DPY19L1: variants seen among roughly 807,000 people sequenced by gnomAD.
The protein encoded by DPY19L1 is dpy-19 like C-mannosyltransferase 1.
Under a neutral mutation model 96.9 loss-of-function variants are expected in DPY19L1, and 35 were observed. That is an observed-to-expected ratio of 0.36 (90% CI 0.28 to 0.48). The LOEUF (loss-of-function observed/expected upper bound fraction) is 0.48, where lower values mean the gene tolerates loss of function less well. Ranked by LOEUF, DPY19L1 falls within the 20% of genes least tolerant of loss-of-function variation. DPY19L1 has a pLI of 0.99. For synonymous variants in DPY19L1, 205 were observed against 252.6 expected, an observed-to-expected ratio of 0.81 and a Z score of 1.79; for missense variants, 521 against 777.9, an observed-to-expected ratio of 0.67 and a Z score of 3.93.
chr7:34,935,122 A>C (rs34071923), intron 21 of DPY19L1, among the ~76,000 whole-genome samples: 46 of 152,256 alleles, frequency 3.0e-4, no homozygotes, highest in African/African-American at 7.7e-4. Context: ...TAATTTTCTC[A>C]TACACGTCAA....
chr7:35,027,317 GTA>G (rs1786145310), intron 1 of DPY19L1, among the ~76,000 whole-genome samples: 1 of 152,126 alleles, frequency 6.6e-6, no homozygotes, highest in Admixed American at 6.5e-5. Context: ...GCTGGGCTTT[GTA>G]CTCTCCCAGG....
At position 34,942,657 on chromosome 7, in the gene DPY19L1, A is replaced by G. The variant is rs1462216679; in HGVS notation, c.1545-18T>C. Reference sequence around the variant, plus strand: ...GGTGTTTTCTGGAACAGAAAAAAATATATTGCCATCAATTCATTATTGAAG... The same window carrying G: ...GGTGTTTTCTGGAACAGAAAAAAATGTATTGCCATCAATTCATTATTGAAG... On this transcript the variant is annotated intron_variant, in intron 16 of 21. Coordinates refer to ENST00000638088, the MANE Select transcript of DPY19L1 (RefSeq NM_001366673.1). 1 of 1,586,122 alleles carries G rather than the reference A, an allele frequency of 6.3e-7. No homozygotes were observed. The highest frequency in any genetic ancestry group is 8.6e-7 in the Non-Finnish European group (1 of 1,168,196).
intron 1 of DPY19L1, 80 bp downstream of exon 1, chr7:35,037,017 G>A (rs1408137646): frequency 9.6e-6 from 1 of 104,230 alleles, no homozygotes; most frequent in Non-Finnish European, 2.1e-5. Context: ...AGAGGGGAAG[G>A]AAGGGGAGGG....
At chr7:35,011,194 G>C (rs1785701984) in intron 5 of DPY19L1, 136 bp downstream of exon 5, 1 of 1,004,878 alleles carries the variant, frequency 1.0e-6, no homozygotes, top group Admixed American at 3.0e-5. Flanking sequence ...CCCAAATTCT[G>C]GACTTGCAGA....
rs566907763 is a variant in DPY19L1 at position 34,956,170 on chromosome 7, C to G, written c.1180-803G>C. On this transcript the variant is annotated intron_variant, in intron 11 of 21. Transcript: ENST00000638088. The stretch of plus-strand genomic sequence containing the variant: ...GAAAAGAAATTTCCTACAAAATGTA[C>G]TTAAATTAGATTTTATTTGTATGTA... Among the ~76,000 whole-genome samples the G allele has an allele frequency of 5.9e-5, 9 of 152,242 alleles. No homozygotes were observed. The South Asian group carries it at 1.9e-3, about 32-fold the overall frequency.
chr7:35,012,950 G>GATAT (rs34039494), intron 4 of DPY19L1, among the ~76,000 whole-genome samples: 125 of 151,402 alleles, frequency 8.3e-4, no homozygotes, highest in Non-Finnish European at 1.4e-3. Flanking sequence ...AGAGAACACT[G>GATAT]ATATATATAT....
chr7:35,037,854 G>A, upstream of DPY19L1: 1 of 1,234,794 alleles, frequency 8.1e-7, no homozygotes, highest in South Asian at 4.1e-5. Context: ...CCGGTGCGAG[G>A]ACGCGGGGGC....
intron 12 of DPY19L1, 99 bp downstream of exon 12, chr7:34,955,209 C>T: frequency 6.9e-7 from 1 of 1,455,958 alleles, no homozygotes; most frequent in East Asian, 2.4e-5. Context: ...TGTTGGATCC[C>T]CTGAGTTGCA....
rs745797661 is a variant in DPY19L1, at chr7:34,938,018, T to C, written c.2066A>G (p.Glu689Gly). 6.2e-7 allele frequency: 1 copy of C among 1,613,916 alleles called. No homozygotes were observed. Among genetic ancestry groups the C allele is most frequent in the Non-Finnish European group, 8.5e-7 (1 of 1,179,942 alleles). Reference sequence around the variant, plus strand: ...CTTGGATCTTCTTACACACCATGACTCTTCTAGAATGTAATAGTTCACTTT... The same window carrying C: ...CTTGGATCTTCTTACACACCATGACCCTTCTAGAATGTAATAGTTCACTTT... ...KLKVNYYILE[E>G]SWCVRRSKPG... The change falls in exon 21 of 22, where the codon GAG becomes GGG. Residue 689 changes from glutamate (E) to glycine (G), a missense_variant. Transcript: ENST00000638088.
intron 1 of DPY19L1, among the ~76,000 whole-genome samples, chr7:35,031,385 T>G (rs557096974): frequency 9.2e-5 from 14 of 152,362 alleles, no homozygotes; most frequent in Admixed American, 9.1e-4. Flanking sequence ...GCTAATACTA[T>G]GCCATTTTAT....
intron 1 of DPY19L1, among the ~76,000 whole-genome samples, chr7:35,033,463 A>G (rs774221688): frequency 1.3e-5 from 2 of 152,212 alleles, no homozygotes; most frequent in Non-Finnish European, 2.9e-5. Flanking sequence ...TAGACGCTCA[A>G]TGATATGGTA....
intron 7 of DPY19L1, among the ~76,000 whole-genome samples, chr7:34,977,807 G>A (rs934263670): frequency 2.5e-4 from 38 of 152,044 alleles, no homozygotes; most frequent in Non-Finnish European, 4.3e-4. Context: ...AAATATACAT[G>A]TGAACTGCTT....
intron 11 of DPY19L1, among the ~76,000 whole-genome samples, chr7:34,956,241 T>C (rs1206879219): frequency 6.6e-6 from 1 of 152,238 alleles, no homozygotes; most frequent in African/African-American, 2.4e-5. Context: ...AAGATTCATA[T>C]ACTTTATCCT....
rs1785130520 is a variant in DPY19L1, at chr7:34,989,870, T to C, written c.822+14A>G. 1 of 1,577,146 alleles carries C rather than the reference T, an allele frequency of 6.3e-7. No homozygotes were observed. Among genetic ancestry groups the C allele is most frequent in the Non-Finnish European group, 8.6e-7 (1 of 1,166,472 alleles). ...TTCCAGAAGTAATTCTGAGAATAGTTTTTGATTACCTACCTCTCCATGATT... is the reference window on the plus strand; with the variant it reads ...TTCCAGAAGTAATTCTGAGAATAGTCTTTGATTACCTACCTCTCCATGATT... On this transcript the variant is annotated intron_variant, in intron 7 of 21. Transcript: ENST00000638088.
intron 21 of DPY19L1, among the ~76,000 whole-genome samples, chr7:34,934,112 C>T (rs1335532950): frequency 1.3e-5 from 2 of 152,080 alleles, no homozygotes; most frequent in South Asian, 2.1e-4. Flanking sequence ...TACAGGTGCC[C>T]ACCACCACGC....
At chr7:34,968,317 A>G (rs746707128) in intron 9 of DPY19L1, among the ~76,000 whole-genome samples, 1 of 152,194 alleles carries the variant, frequency 6.6e-6, no homozygotes, top group African/African-American at 2.4e-5. Flanking sequence ...GGTCCTATCC[A>G]CAACCCAATA....
rs328907 is a variant in DPY19L1, at chr7:34,985,971, C to T, written c.822+3913G>A. Among the ~76,000 whole-genome samples, 228 of 151,848 alleles carry T rather than the reference C, an allele frequency of 1.5e-3. 1 individual carries two copies. Among genetic ancestry groups the T allele is most frequent in the African/African-American group, 5.3e-3 (221 of 41,392 alleles). ...ACATACACAACGGAATATGACACAG[C>T]CTTAAAAAAAGAAGGAAATTATGTC... On this transcript the variant is annotated intron_variant, in intron 7 of 21. Transcript: ENST00000638088.
intron 7 of DPY19L1, among the ~76,000 whole-genome samples, chr7:34,989,369 C>T (rs1414759463): frequency 1.3e-5 from 2 of 152,082 alleles, no homozygotes; most frequent in Non-Finnish European, 2.9e-5. Flanking sequence ...AATCCCAACA[C>T]TTTGGGAGAC....
intron 1 of DPY19L1, among the ~76,000 whole-genome samples, chr7:35,030,959 A>G (rs1392322579): frequency 6.6e-6 from 1 of 152,188 alleles, no homozygotes; most frequent in Non-Finnish European, 1.5e-5. Context: ...AACAGTTCTA[A>G]CAGTAACTAA....
Sources: allele counts gnomAD v4.1 joint callset (sites outside exome capture counted in the v4.1 genomes callset), GRCh38; gene constraint gnomAD v4.1.1; transcripts MANE v1.5; gene names NCBI Gene and HGNC (gene_info 2026-07-23, HGNC 2026-07-21).